The following DLEC1 variants were observed in gnomAD, a reference collection of about 807,000 sequenced individuals.
DLEC1 encodes the protein DLEC1 cilia and flagella associated protein, also known as deleted in lung and esophageal cancer protein 1.
Under a neutral mutation model 198.1 loss-of-function variants are expected in DLEC1, and 146 were observed. The observed-to-expected ratio is 0.74, with a 90% CI of 0.64 to 0.85. DLEC1 has a LOEUF of 0.85. DLEC1 is among the 40% of genes least tolerant of loss of function. The pLI, the probability that DLEC1 is intolerant of heterozygous loss-of-function variation, is 0.00. For synonymous variants in DLEC1, 897 were observed against 866.8 expected, an observed-to-expected ratio of 1.03 and a Z score of -0.61; for missense variants, 2,233 against 2,220.0, an observed-to-expected ratio of 1.01 and a Z score of -0.12.
rs369553775 is a variant in DLEC1 at position 38,097,920 on chromosome 3, G to A, written c.2724+18G>A. On this transcript the variant is annotated intron_variant, in intron 18 of 36. Coordinates refer to ENST00000308059, the MANE Select transcript of DLEC1 (RefSeq NM_007335.4). Reference sequence around the variant, plus strand: ...CTGAGGATGTAAGTCAGGCACTGCTGGTTCCTCTGGTGCCCCCACAATGAG... The same window carrying A: ...CTGAGGATGTAAGTCAGGCACTGCTAGTTCCTCTGGTGCCCCCACAATGAG... 1 of 1,613,852 alleles carries A rather than the reference G, an allele frequency of 6.2e-7. No homozygotes were observed. Among genetic ancestry groups the A allele is most frequent in the Non-Finnish European group, 8.5e-7 (1 of 1,179,914 alleles).
chr3:38,083,521 G>C (rs1479151214), intron 6 of DLEC1, among the ~76,000 whole-genome samples: 9 of 152,214 alleles, frequency 5.9e-5, no homozygotes, highest in African/African-American at 1.9e-4. Flanking sequence ...GCAAGGACCA[G>C]CCATTTACAC....
chr3:38,122,418 CGCCCCAGCCCTCA>C lies in DLEC1; in HGVS notation c.*14_*26del. 6.2e-7 allele frequency: 1 copy of C among 1,614,116 alleles called. No individual in the cohort carries two copies. Among genetic ancestry groups the C allele is most frequent in the East Asian group, 2.2e-5 (1 of 44,886 alleles). On this transcript the variant is annotated 3_prime_UTR_variant, in exon 37 of 37. Transcript: ENST00000308059. Reference sequence around the variant, plus strand: ...TGTTGCCTCACCAGCCCTGAGGCTCCGCCCCAGCCCTCAGCCCCAGGCCCCAGCTGGAGAAAAA... The same window carrying C: ...TGTTGCCTCACCAGCCCTGAGGCTCCGCCCCAGGCCCCAGCTGGAGAAAAA...
intron 7 of DLEC1, among the ~76,000 whole-genome samples, chr3:38,084,977 CAA>C (rs1405399132): frequency 2.0e-5 from 3 of 152,304 alleles, no homozygotes; most frequent in African/African-American, 7.2e-5. Flanking sequence ...TCAGAAATCT[CAA>C]AAGTTTCTCT....
In DLEC1 at chr3:38,096,738, G is replaced by A; in HGVS notation, c.2340+1G>A. ...GATAAATGTGAAGAAGGCTTTTAAG[G>A]TAGGTCATTGTCTCTCCCCTGCCTA... On this transcript the variant is annotated splice_donor_variant, in intron 15 of 36. Transcript: ENST00000308059. LOFTEE classifies it high-confidence loss of function. 1 of 1,604,350 alleles carries A rather than the reference G, an allele frequency of 6.2e-7. No homozygotes were observed. Among genetic ancestry groups the A allele is most frequent in the Non-Finnish European group, 8.5e-7 (1 of 1,175,212 alleles).
At position 38,123,924 on chromosome 3, in the gene DLEC1, T is replaced by C; in HGVS notation, c.*1512T>C. 1 of 151,692 alleles carries C rather than the reference T, an allele frequency of 6.6e-6. No homozygotes were observed. The highest frequency in any genetic ancestry group is 2.4e-5 in the African/African-American group (1 of 41,218). The allele number at this position is 151,692 out of a possible 1,614,324, so 9.4% of individuals were successfully genotyped here. A position where few individuals can be genotyped will look rare whatever the true frequency, so the allele number is the denominator to read the frequency against. ...GCTGAGGCTGAGGCAGGAAAATTGC[T>C]TGAACCCAAAAGGCAGAGGTTGCAG... On this transcript the variant is annotated 3_prime_UTR_variant, in exon 37 of 37. Transcript: ENST00000308059.
chr3:38,098,543 A>G (rs955927576), intron 18 of DLEC1, among the ~76,000 whole-genome samples: 1 of 152,302 alleles, frequency 6.6e-6, no homozygotes, highest in Non-Finnish European at 1.5e-5. Context: ...TCACCACGGC[A>G]TGGCTGCAGC....
At position 38,086,272 on chromosome 3, in the gene DLEC1, C is replaced by T. The variant is rs1311708780; in HGVS notation, c.1467C>T (p.Leu489=). The change falls in exon 9 of 37, where the codon CTC becomes CTT. Residue 489 remains leucine (L), a synonymous_variant. Transcript: ENST00000308059. ...CGGTGTTGGACTGTGGTTACTGCCT[C>T]ATTGGGGGAGTCAAGATGACCAGAT... ...LSPVLDCGYC[L]IGGVKMTRFI... 6.2e-7 allele frequency: 1 copy of T among 1,612,708 alleles called. No homozygotes were observed.
At chr3:38,057,158 A>G (rs1228783521) in intron 2 of DLEC1, among the ~76,000 whole-genome samples, 1 of 152,230 alleles carries the variant, frequency 6.6e-6, no homozygotes, top group African/African-American at 2.4e-5. Flanking sequence ...GTTGTTGTCT[A>G]TCATATGCTA....
rs547910683 is a variant in DLEC1, at chr3:38,053,729, C to T, written c.563-6013C>T. Among the ~76,000 whole-genome samples, 1,155 of 152,304 alleles carry T rather than the reference C, an allele frequency of 7.6e-3. 15 individuals carry two copies. The highest frequency in any genetic ancestry group is 0.026 in the African/African-American group (1,064 of 41,562). On this transcript the variant is annotated intron_variant, in intron 2 of 36. Coordinates refer to ENST00000308059, the MANE Select transcript of DLEC1 (RefSeq NM_007335.4). ...GCTCATTGAGAACGGGCCATGATGA[C>T]GATGGCGGTTTTGTTGAATGGAAAA...
At chr3:38,092,905 G>A (rs1698815609) in intron 11 of DLEC1, 25 bp downstream of exon 11, 5 of 1,612,526 alleles carry the variant, frequency 3.1e-6, no homozygotes, top group Non-Finnish European at 4.2e-6. Flanking sequence ...ACTCCCAGGG[G>A]CAAGGCTGGA....
intron 10 of DLEC1, among the ~76,000 whole-genome samples, chr3:38,089,964 G>A (rs781600930): frequency 1.3e-5 from 2 of 152,188 alleles, no homozygotes; most frequent in Non-Finnish European, 2.9e-5. Context: ...GAACTGCTGA[G>A]TCTGGGAGTT....
At chr3:38,096,884 CT>C in intron 15 of DLEC1, 147 bp downstream of exon 15, 1 of 987,396 alleles carries the variant, frequency 1.0e-6, no homozygotes, top group Non-Finnish European at 1.5e-6. Context: ...CCCAACTTGA[CT>C]TGCACAGATG....
In DLEC1 at chr3:38,110,168, C is replaced by T; in HGVS notation, c.3330C>T (p.Thr1110=). The part of the protein sequence containing the change: ...LDFGSAVPLR[T]RVTRQLILTN... The stretch of plus-strand genomic sequence containing the variant: ...TTGGCTCAGCGGTGCCACTGAGGAC[C>T]CGTGTGACTCGCCAGCTCATTCTCA... The change falls in exon 23 of 37, where the codon ACC becomes ACT. Residue 1110 remains threonine (T), a synonymous_variant. Coordinates refer to ENST00000308059, the MANE Select transcript of DLEC1 (RefSeq NM_007335.4). 1 of 1,614,192 alleles carries T rather than the reference C, an allele frequency of 6.2e-7. No homozygotes were observed. The highest frequency in any genetic ancestry group is 8.5e-7 in the Non-Finnish European group (1 of 1,180,036).
At position 38,122,610 on chromosome 3, in the gene DLEC1, C is replaced by T. The variant is rs1453639878; in HGVS notation, c.*198C>T. On this transcript the variant is annotated 3_prime_UTR_variant, in exon 37 of 37. Coordinates refer to ENST00000308059, the MANE Select transcript of DLEC1 (RefSeq NM_007335.4). ...ATGTCCTCAGAGCTAACATAAAGGA[C>T]AGGCCACACCACAGCAGAGACCACC... The T allele has an allele frequency of 6.4e-7, 1 of 1,556,730 alleles. No homozygotes were observed. Among genetic ancestry groups the T allele is most frequent in the Middle Eastern group, 1.7e-4 (1 of 5,816 alleles).
At chr3:38,084,106 A>G in intron 6 of DLEC1, 52 bp from the exon 7 acceptor site, 1 of 1,537,398 alleles carries the variant, frequency 6.5e-7, no homozygotes, top group South Asian at 1.1e-5. Context: ...ACATCGTATC[A>G]TTTCGTCTAT....
rs1238725390 is a variant in DLEC1 at position 38,084,542 on chromosome 3, AGTAGTAGTG to A, written c.1261+306_1261+314del. On this transcript the variant is annotated intron_variant, in intron 7 of 36. Coordinates refer to ENST00000308059, the MANE Select transcript of DLEC1 (RefSeq NM_007335.4). Reference sequence around the variant, plus strand: ...TGGTAGTAGTAGTAGTGGTGGTGGTAGTAGTAGTGGTAGTAGTAGTGGTAGTAGTAGTAG... The same window carrying A: ...TGGTAGTAGTAGTAGTGGTGGTGGTAGTAGTAGTAGTGGTAGTAGTAGTAG... Among the ~76,000 whole-genome samples, 7 of 722 alleles carry A rather than the reference AGTAGTAGTG, an allele frequency of 9.7e-3. 2 individuals are homozygous for A. Among genetic ancestry groups the A allele is most frequent in the Non-Finnish European group, 0.02 (4 of 200 alleles). 0.5% of individuals were successfully genotyped at this position (722 alleles called of 152,430 possible).
chr3:38,065,444 C>G (rs1285605132), intron 6 of DLEC1, among the ~76,000 whole-genome samples: 3 of 152,226 alleles, frequency 2.0e-5, no homozygotes, highest in African/African-American at 7.2e-5. Flanking sequence ...AAATTTTTAA[C>G]TGTACACAAA....
At position 38,112,434 on chromosome 3, in the gene DLEC1, C is replaced by T. The variant is rs1199455058; in HGVS notation, c.3666+73C>T. 9 of 1,581,012 alleles carry T rather than the reference C, an allele frequency of 5.7e-6. No individual in the cohort carries two copies. Among genetic ancestry groups the T allele is most frequent in the Non-Finnish European group, 7.8e-6 (9 of 1,156,960 alleles). On this transcript the variant is annotated intron_variant, in intron 25 of 36. Transcript: ENST00000308059. The surrounding 1 kb of genome is among the most constrained non-coding windows in gnomAD (Gnocchi z 4.8). ...CAGCCCTCGCCTTCAGCCTCTCTCCCCTCCAACACCTGGCCCTCAGACTCT... is the reference window on the plus strand; with the variant it reads ...CAGCCCTCGCCTTCAGCCTCTCTCCTCTCCAACACCTGGCCCTCAGACTCT...
intron 34 of DLEC1, among the ~76,000 whole-genome samples, chr3:38,121,069 TAAGGAGTGTG>T (rs1186651527): frequency 6.6e-6 from 1 of 151,912 alleles, no homozygotes; most frequent in African/African-American, 2.4e-5. Flanking sequence ...GGGCTGCTAG[TAAGGAGTGTG>T]AAGGAGTGGC....
Sources: gnomAD v4.1 joint callset for allele counts (sites outside exome capture counted in the v4.1 genomes callset) on GRCh38, gnomAD v4.1.1 for gene constraint, Gnocchi (gnomAD v3.1) non-coding constraint, MANE v1.5 for transcripts, NCBI Gene and HGNC (gene_info 2026-07-23, HGNC 2026-07-21) for gene names.